ESRRG: variants seen among roughly 807,000 people sequenced by gnomAD.
ESRRG encodes estrogen-related receptor gamma.
ESRRG carries 13 observed loss-of-function variants against 44.0 expected under a neutral mutation model. The ratio of observed to expected loss-of-function variants is 0.30; its 90% CI spans 0.19 to 0.47. The LOEUF (loss-of-function observed/expected upper bound fraction) is 0.47, where lower values mean the gene tolerates loss of function less well. Ranked by LOEUF, ESRRG falls within the 20% of genes least tolerant of loss-of-function variation. The pLI is 1.00. For synonymous variants in ESRRG, 215 were observed against 214.6 expected (o/e 1.00, Z -0.02); for missense variants, 395 against 580.6 (o/e 0.68, Z 3.29).
chr1:216,862,836 G>A (rs2096075320), intron 2 of ESRRG: 1 of 152,042 alleles, frequency 6.6e-6, no homozygotes, highest in Non-Finnish European at 1.5e-5. Flanking sequence ...TAAGGTATTG[G>A]TTTCATGGAT....
chr1:216,682,082 T>C (rs532555616), intron 1 of ESRRG: 2 of 152,354 alleles, frequency 1.3e-5, no homozygotes, highest in South Asian at 4.1e-4. Flanking sequence ...TTCACCGAAA[T>C]ACAAGTTCTT....
At chr1:216,913,265 A>G (rs2149619702) in intron 2 of ESRRG, among the ~76,000 whole-genome samples, 1 of 152,266 alleles carries the variant, frequency 6.6e-6, no homozygotes, top group East Asian at 1.9e-4. Flanking sequence ...ACATAGTTTT[A>G]CATTATATTG....
chr1:216,741,428 C>T (rs946342162), intron 2 of ESRRG, among the ~76,000 whole-genome samples: 2 of 150,372 alleles, frequency 1.3e-5, no homozygotes, highest in Admixed American at 1.3e-4. Context: ...ACACTCCCCC[C>T]CGCCCCTGCA....
At chr1:216,727,534 C>T (rs898465103), upstream of ESRRG, among the ~76,000 whole-genome samples, 3 of 152,086 alleles carry the variant, frequency 2.0e-5, no homozygotes, top group Non-Finnish European at 2.9e-5. Flanking sequence ...TAAGAACACA[C>T]CTTTCCCACT....
chr1:216,851,272 A>C (rs191976970), intron 2 of ESRRG, among the ~76,000 whole-genome samples: 1 of 152,110 alleles, frequency 6.6e-6, no homozygotes, highest in African/African-American at 2.4e-5. Context: ...TTGAGTCAGC[A>C]GACCTGAAAC....
At chr1:216,879,266 G>A (rs1331914983) in intron 2 of ESRRG, among the ~76,000 whole-genome samples, 1 of 152,086 alleles carries the variant, frequency 6.6e-6, no homozygotes, top group Admixed American at 6.5e-5. Context: ...TGGTTATGGA[G>A]CACTGAACTC....
chr1:216,551,606 AGGGTCAGACAACCGATC>A, intron 5 of ESRRG, among the ~76,000 whole-genome samples: 1 of 152,286 alleles, frequency 6.6e-6, no homozygotes, highest in Non-Finnish European at 1.5e-5. Context: ...CAGAGTGCAG[AGGGTCAGACAACCGATC>A]GGGTTAATTA....
intron 2 of ESRRG, among the ~76,000 whole-genome samples, chr1:216,758,891 ACT>A (rs1350525259): frequency 6.6e-6 from 1 of 151,918 alleles, no homozygotes; most frequent in East Asian, 1.9e-4. Context: ...TTGAGTACTT[ACT>A]ATATATTTTT....
At chr1:216,625,662 G>A (rs1266732171) in intron 3 of ESRRG, among the ~76,000 whole-genome samples, 1 of 152,116 alleles carries the variant, frequency 6.6e-6, no homozygotes, top group Admixed American at 6.5e-5. Flanking sequence ...AGTTATATGA[G>A]CTCAGGCAAG....
At chr1:216,843,423 G>A (rs752528248) in intron 2 of ESRRG, among the ~76,000 whole-genome samples, 2 of 152,046 alleles carry the variant, frequency 1.3e-5, no homozygotes, top group Non-Finnish European at 2.9e-5. Context: ...GTTGAATTAC[G>A]TTAAATGCCC....
intron 1 of ESRRG, among the ~76,000 whole-genome samples, chr1:216,944,488 A>C (rs2150005988): frequency 6.6e-6 from 1 of 152,324 alleles, no homozygotes. Context: ...CATGATCTCC[A>C]TTCATTCAAA....
At chr1:216,759,400 T>G (rs2152333150) in intron 2 of ESRRG, among the ~76,000 whole-genome samples, 1 of 152,236 alleles carries the variant, frequency 6.6e-6, no homozygotes, top group South Asian at 2.1e-4. Flanking sequence ...TACAGCCCTG[T>G]GTACCCCAGC....
chr1:217,047,443 T>A (rs2085092135), intron 1 of ESRRG, among the ~76,000 whole-genome samples: 4 of 152,106 alleles, frequency 2.6e-5, no homozygotes, highest in Admixed American at 2.6e-4. Context: ...TCACCTCATC[T>A]AATTAAGCAC....
intron 1 of ESRRG, among the ~76,000 whole-genome samples, chr1:217,009,555 C>A (rs2078235338): frequency 6.6e-6 from 1 of 152,192 alleles, no homozygotes; most frequent in African/African-American, 2.4e-5. Context: ...GCAGCTACTA[C>A]ATTAGCTTCA....
At chr1:216,671,248 C>T (rs1283598349) in intron 2 of ESRRG, among the ~76,000 whole-genome samples, 1 of 152,188 alleles carries the variant, frequency 6.6e-6, no homozygotes, top group African/African-American at 2.4e-5. Context: ...TTCTTATTCA[C>T]AGGGAAATAA....
chr1:216,998,599 G>T (rs189244218), intron 1 of ESRRG, among the ~76,000 whole-genome samples: 4 of 152,062 alleles, frequency 2.6e-5, no homozygotes, highest in African/African-American at 7.2e-5. Context: ...CTTACATTTT[G>T]TTATTTCTGT....
rs144794766 is a variant in ESRRG at position 216,678,370 on chromosome 1, G to T, written c.57-879C>A. Among the ~76,000 whole-genome samples, 879 of 152,274 alleles carry T rather than the reference G, an allele frequency of 5.8e-3. 10 individuals are homozygous for T. The highest frequency in any genetic ancestry group is 0.02 in the African/African-American group (825 of 41,542). On this transcript the variant is annotated intron_variant, in intron 1 of 6. Coordinates refer to ENST00000408911, the MANE Select transcript of ESRRG (RefSeq NM_001438.4). Reference sequence around the variant, plus strand: ...TAAGTCCACAAATCTGATATTATATGTATATTATCTGATACTATAAAATCT... The same window carrying T: ...TAAGTCCACAAATCTGATATTATATTTATATTATCTGATACTATAAAATCT...
intron 2 of ESRRG, among the ~76,000 whole-genome samples, chr1:216,774,234 T>C (rs932670221): frequency 2.6e-5 from 4 of 152,076 alleles, no homozygotes; most frequent in Admixed American, 2.6e-4. Flanking sequence ...TCTCCCTGCC[T>C]CCTTACCTTC....
intron 1 of ESRRG, among the ~76,000 whole-genome samples, chr1:217,036,641 C>T (rs2082944571): frequency 2.6e-5 from 4 of 151,986 alleles, no homozygotes; most frequent in African/African-American, 9.7e-5. Context: ...TAGAGGAGAA[C>T]AACACACACT....
Sources: allele counts gnomAD v4.1 joint callset (sites outside exome capture counted in the v4.1 genomes callset), GRCh38; gene constraint gnomAD v4.1.1; transcripts MANE v1.5; gene names NCBI Gene and HGNC (gene_info 2026-07-23, HGNC 2026-07-21).